Variants in BRINP2 observed in about 807,000 individuals in gnomAD.
BRINP2 encodes the protein BMP/retinoic acid-inducible neural-specific protein 2.
Under a neutral mutation model 69.2 loss-of-function variants are expected in BRINP2, and 21 were observed. The ratio of observed to expected loss-of-function variants is 0.30; its 90% CI spans 0.22 to 0.44. The LOEUF (loss-of-function observed/expected upper bound fraction) is 0.44. Ranked by LOEUF, BRINP2 falls within the 20% of genes least tolerant of loss-of-function variation. The pLI is 1.00. For synonymous variants in BRINP2, 380 were observed against 394.1 expected (o/e 0.96, Z 0.42); for missense variants, 877 against 986.0 (o/e 0.89, Z 1.48).
chr1:177,186,100 C>T (rs1648416939), intron 1 of BRINP2, among the ~76,000 whole-genome samples: 1 of 152,188 alleles, frequency 6.6e-6, no homozygotes, highest in African/African-American at 2.4e-5. Flanking sequence ...CCTGTGCCTA[C>T]CAAATCCTAA....
Position 177,281,154 on chromosome 1 carries a change from A to T in BRINP2, c.1978A>T (p.Thr660Ser). The T allele has an allele frequency of 6.2e-7, 1 of 1,614,192 alleles. No individual in the cohort carries two copies. Among genetic ancestry groups the T allele is most frequent in the Non-Finnish European group, 8.5e-7 (1 of 1,180,036 alleles). The change falls in exon 8 of 8, where the codon ACA (threonine) becomes TCA (serine). Residue 660 changes from threonine to serine, a missense_variant. This residue lies in a region of BRINP2 where 225 missense variants were observed against 218.7 expected (regional missense o/e 1.03). Transcript: ENST00000361539. The part of the protein sequence containing the change: ...IKSLDDSSNE[T>S]IYYEPLEMTD... Reference sequence around the variant, plus strand: ...GTCCCTGGATGACAGCTCCAATGAGACAATCTACTATGAGCCCCTGGAGAT... The same window carrying T: ...GTCCCTGGATGACAGCTCCAATGAGTCAATCTACTATGAGCCCCTGGAGAT...
chr1:177,231,802 C>T (rs947122513), intron 2 of BRINP2, among the ~76,000 whole-genome samples: 1 of 152,182 alleles, frequency 6.6e-6, no homozygotes, highest in Non-Finnish European at 1.5e-5. Flanking sequence ...AGCACCAACT[C>T]AGGCTGGGAG....
chr1:177,274,928 G>A (rs973423195), intron 5 of BRINP2, among the ~76,000 whole-genome samples: 4 of 152,196 alleles, frequency 2.6e-5, no homozygotes, highest in African/African-American at 9.7e-5. Context: ...GTTATATTTT[G>A]AGGTCTGCTG....
chr1:177,241,498 T>C (rs1650204460), intron 2 of BRINP2, among the ~76,000 whole-genome samples: 1 of 152,208 alleles, frequency 6.6e-6, no homozygotes, highest in South Asian at 2.1e-4. Context: ...CCAGAGGTTC[T>C]TTCCTCCTCC....
chr1:177,198,987 A>T (rs568224787), intron 1 of BRINP2, among the ~76,000 whole-genome samples: 25 of 152,272 alleles, frequency 1.6e-4, no homozygotes, highest in African/African-American at 5.8e-4. Flanking sequence ...CACACACCAT[A>T]CACATAAGCT....
At chr1:177,188,779 A>G (rs964274156) in intron 1 of BRINP2, among the ~76,000 whole-genome samples, 1 of 152,008 alleles carries the variant, frequency 6.6e-6, no homozygotes, top group Non-Finnish European at 1.5e-5. Context: ...AGAGCTCCCT[A>G]CTCAGTATTA....
At chr1:177,245,784 C>T (rs549278936) in intron 2 of BRINP2, among the ~76,000 whole-genome samples, 5 of 152,238 alleles carry the variant, frequency 3.3e-5, no homozygotes, top group Non-Finnish European at 7.4e-5. Flanking sequence ...ATAAACACAC[C>T]ACTCTCAGTG....
chr1:177,251,730 T>C (rs1006559881), intron 2 of BRINP2, among the ~76,000 whole-genome samples: 1 of 152,170 alleles, frequency 6.6e-6, no homozygotes, highest in African/African-American at 2.4e-5. Flanking sequence ...CTAGTTCCCA[T>C]CCAGACCCAG....
At chr1:177,266,525 C>G (rs771123989) in intron 4 of BRINP2, among the ~76,000 whole-genome samples, 2 of 151,726 alleles carry the variant, frequency 1.3e-5, no homozygotes, top group East Asian at 2.0e-4. Flanking sequence ...TTTGGGAGGC[C>G]GAGGAGGGCG....
At chr1:177,272,301 A>ACCTG (rs1571946791) in intron 4 of BRINP2, among the ~76,000 whole-genome samples, 2 of 152,202 alleles carry the variant, frequency 1.3e-5, no homozygotes, top group African/African-American at 4.8e-5. Flanking sequence ...GTATGCACCT[A>ACCTG]CCTGCCCCAC....
intron 4 of BRINP2, among the ~76,000 whole-genome samples, chr1:177,258,373 A>G (rs1334267573): frequency 6.6e-6 from 1 of 152,232 alleles, no homozygotes; most frequent in Non-Finnish European, 1.5e-5. Flanking sequence ...TTCAATAAGT[A>G]TTTACTGAGC....
chr1:177,247,182 T>C (rs1026493186), intron 2 of BRINP2, among the ~76,000 whole-genome samples: 1 of 152,186 alleles, frequency 6.6e-6, no homozygotes, highest in Admixed American at 6.5e-5. Flanking sequence ...TGAGGTATAT[T>C]GGTAGAAAGA....
Position 177,273,557 on chromosome 1 carries a change from T to G in BRINP2, c.739T>G (p.Leu247Val). ...CAATCTGGACTCAGTCAGTTCTGTC[T>G]TGGTACAGAGTCCAGAGAACAAAGT... ...YDNLDSVSSV[L>V]VQSPENKVQL... The change falls in exon 5 of 8, where the codon TTG (leucine) becomes GTG (valine). Residue 247 changes from leucine to valine, a missense_variant. Physicochemically the swap from Leu to Val is conservative, Grantham distance 32. Around this residue, in one of 3 missense-constraint regions of BRINP2, gnomAD observed 566 missense variants for 625.2 expected, o/e 0.91. Transcript: ENST00000361539. The G allele has an allele frequency of 6.2e-7, 1 of 1,608,078 alleles. No homozygotes were observed. Among genetic ancestry groups the G allele is most frequent in the South Asian group, 1.1e-5 (1 of 90,308 alleles).
chr1:177,266,281 C>G (rs1183325863), intron 4 of BRINP2, among the ~76,000 whole-genome samples: 1 of 152,132 alleles, frequency 6.6e-6, no homozygotes. Flanking sequence ...TCTCAGCCCC[C>G]TTACTCCCTG....
chr1:177,240,180 G>C (rs144384605), intron 2 of BRINP2, among the ~76,000 whole-genome samples: 4 of 152,220 alleles, frequency 2.6e-5, no homozygotes, highest in African/African-American at 7.2e-5. Context: ...GGTGACGAAG[G>C]AGGGATAGGA....
intron 4 of BRINP2, among the ~76,000 whole-genome samples, chr1:177,271,930 C>T (rs946109556): frequency 2.0e-5 from 3 of 152,138 alleles, no homozygotes; most frequent in Non-Finnish European, 4.4e-5. Context: ...CAGCATCACA[C>T]AATCTCTCAC....
intron 1 of BRINP2, among the ~76,000 whole-genome samples, chr1:177,186,946 G>A (rs574459822): frequency 6.6e-6 from 1 of 152,194 alleles, no homozygotes; most frequent in Non-Finnish European, 1.5e-5. Flanking sequence ...GTTAGTTCTT[G>A]GCCTGAGGTT....
At chr1:177,208,303 T>G (rs1252938286) in intron 1 of BRINP2, among the ~76,000 whole-genome samples, 1 of 152,172 alleles carries the variant, frequency 6.6e-6, no homozygotes, top group Non-Finnish European at 1.5e-5. Context: ...TAAAGATGTT[T>G]GTGGAAAGAC....
At chr1:177,179,984 T>C (rs1463919053) in intron 1 of BRINP2, among the ~76,000 whole-genome samples, 2 of 152,144 alleles carry the variant, frequency 1.3e-5, no homozygotes, top group African/African-American at 4.8e-5. Context: ...CATGCATGCA[T>C]CTATACCTTC....
Sources: allele counts gnomAD v4.1 joint callset (sites outside exome capture counted in the v4.1 genomes callset), GRCh38; gene constraint gnomAD v4.1.1; regional missense constraint gnomAD v4.1.1; transcripts MANE v1.5; gene names NCBI Gene and HGNC (gene_info 2026-07-23, HGNC 2026-07-21).